THSD7B: variants seen among roughly 807,000 people sequenced by gnomAD.
THSD7B encodes thrombospondin type 1 domain containing 7B, also known as thrombospondin type-1 domain-containing protein 7B.
In THSD7B, 138 loss-of-function variants were observed where a neutral mutation model predicts 213.6. The ratio of observed to expected loss-of-function variants is 0.65; its 90% CI spans 0.56 to 0.74. THSD7B has a LOEUF of 0.74. Among genes scored for constraint, THSD7B ranks in the 30% least tolerant of loss-of-function variants. The pLI, the probability that THSD7B is intolerant of heterozygous loss-of-function variation, is 0.00. For synonymous variants in THSD7B, 742 were observed against 687.0 expected (o/e 1.08, Z -1.25); for missense variants, 1,931 against 1,991.5 (o/e 0.97, Z 0.58).
chr2:137,641,235 G>A (rs1488802425), intron 20 of THSD7B, among the ~76,000 whole-genome samples: 2 of 152,132 alleles, frequency 1.3e-5, no homozygotes, highest in Non-Finnish European at 2.9e-5. Context: ...CAGCTGCACT[G>A]GCTTCTGTCA....
chr2:137,554,177 T>G (rs1680904775), intron 15 of THSD7B, among the ~76,000 whole-genome samples: 2 of 152,206 alleles, frequency 1.3e-5, no homozygotes, highest in African/African-American at 4.8e-5. Context: ...AAAATATCCC[T>G]TACTCATTTC....
intron 5 of THSD7B, among the ~76,000 whole-genome samples, chr2:137,140,221 C>G (rs535350845): frequency 5.3e-4 from 81 of 152,200 alleles, no homozygotes; most frequent in African/African-American, 1.9e-3. Context: ...GCCTTTGTCA[C>G]TTAATTTTTC....
intron 5 of THSD7B, among the ~76,000 whole-genome samples, chr2:137,127,779 G>A (rs1036173831): frequency 3.3e-5 from 5 of 152,002 alleles, no homozygotes; most frequent in South Asian, 4.1e-4. Flanking sequence ...TTAGCCAGGC[G>A]TGGTGGTGCA....
At chr2:137,075,628 A>G (rs1404250445) in intron 3 of THSD7B, among the ~76,000 whole-genome samples, 1 of 152,146 alleles carries the variant, frequency 6.6e-6, no homozygotes, top group Non-Finnish European at 1.5e-5. Context: ...GTTGGTGGTG[A>G]GGAGCTGCGT....
intron 4 of THSD7B, among the ~76,000 whole-genome samples, chr2:137,106,903 G>A (rs563375570): frequency 6.6e-6 from 1 of 152,312 alleles, no homozygotes; most frequent in East Asian, 1.9e-4. Context: ...AGATGCTGGA[G>A]AGGATGTGGA....
chr2:137,320,601 C>T (rs748737593), intron 12 of THSD7B, among the ~76,000 whole-genome samples: 8 of 152,040 alleles, frequency 5.3e-5, no homozygotes, highest in Non-Finnish European at 1.0e-4. Flanking sequence ...TACCCAAAGC[C>T]CAAGGTCATG....
chr2:137,108,812 C>G lies in THSD7B; in HGVS notation c.1200-6312C>G, dbSNP rs73958337. Among the ~76,000 whole-genome samples the G allele has an allele frequency of 2.8e-3, 425 of 152,220 alleles. 4 individuals carry two copies. The highest frequency in any genetic ancestry group is 9.9e-3 in the African/African-American group (411 of 41,528). Reference sequence around the variant, plus strand: ...CATAGAGAAATTGGGCAATGAGTATCAGGCATGGGGGGATAAAAGTTCAGA... The same window carrying G: ...CATAGAGAAATTGGGCAATGAGTATGAGGCATGGGGGGATAAAAGTTCAGA... On this transcript the variant is annotated intron_variant, in intron 4 of 27. Coordinates refer to ENST00000409968, the MANE Select transcript of THSD7B (RefSeq NM_001316349.2).
At chr2:137,240,136 C>G (rs1213011006) in intron 9 of THSD7B, among the ~76,000 whole-genome samples, 1 of 152,144 alleles carries the variant, frequency 6.6e-6, no homozygotes, top group Admixed American at 6.5e-5. Context: ...GACTTTGTCT[C>G]TTATTTCATT....
chr2:136,907,216 G>C (rs1684180544), intron 2 of THSD7B, among the ~76,000 whole-genome samples: 1 of 151,808 alleles, frequency 6.6e-6, no homozygotes, highest in East Asian at 1.9e-4. Flanking sequence ...AAATGCTGGG[G>C]TTACAAGTGT....
At chr2:136,996,014 C>G (rs1256951289) in intron 2 of THSD7B, among the ~76,000 whole-genome samples, 2 of 152,130 alleles carry the variant, frequency 1.3e-5, no homozygotes, top group African/African-American at 2.4e-5. Context: ...ATCATCTTTA[C>G]TTTTTATTTC....
intron 12 of THSD7B, among the ~76,000 whole-genome samples, chr2:137,314,702 T>C (rs182409289): frequency 0.015 from 2,312 of 152,314 alleles, 36 homozygotes; most frequent in East Asian, 0.057. Context: ...ATGTCCTTTC[T>C]GTTTGTTAGT....
intron 1 of THSD7B, among the ~76,000 whole-genome samples, chr2:136,818,603 G>A (rs1184160657): frequency 6.6e-6 from 1 of 152,112 alleles, no homozygotes; most frequent in East Asian, 1.9e-4. Flanking sequence ...GCTGAATTAT[G>A]TTCAGCACTC....
At chr2:137,185,002 A>T (rs1194951023) in intron 7 of THSD7B, among the ~76,000 whole-genome samples, 1 of 152,096 alleles carries the variant, frequency 6.6e-6, no homozygotes, top group African/African-American at 2.4e-5. Flanking sequence ...TTGTTTTGTC[A>T]TTCCCTCATT....
intron 10 of THSD7B, among the ~76,000 whole-genome samples, chr2:137,257,469 G>T (rs542965769): frequency 2.6e-5 from 4 of 152,162 alleles, no homozygotes; most frequent in Non-Finnish European, 5.9e-5. Flanking sequence ...CAAAGATCCA[G>T]GGTATCTCAC....
At chr2:136,878,379 C>T (rs1349927782) in intron 1 of THSD7B, among the ~76,000 whole-genome samples, 5 of 152,120 alleles carry the variant, frequency 3.3e-5, no homozygotes, top group African/African-American at 9.7e-5. Flanking sequence ...AATAAACATA[C>T]GTGTGCGTGT....
chr2:136,941,793 G>C (rs1684833369), intron 2 of THSD7B, among the ~76,000 whole-genome samples: 1 of 152,048 alleles, frequency 6.6e-6, no homozygotes, highest in South Asian at 2.1e-4. Context: ...CCATTCTGTA[G>C]ATTGCCTGTT....
At chr2:137,130,779 TGTTGGACATTTGG>T in intron 5 of THSD7B, among the ~76,000 whole-genome samples, 6 of 131,722 alleles carry the variant, frequency 4.6e-5, no homozygotes, top group Non-Finnish European at 1.0e-4. Context: ...AGTCTATCAT[TGTTGGACATTTGG>T]GTTGGTTCCA....
intron 2 of THSD7B, among the ~76,000 whole-genome samples, chr2:137,009,901 A>G (rs900082901): frequency 6.6e-6 from 1 of 152,224 alleles, no homozygotes; most frequent in African/African-American, 2.4e-5. Context: ...CACAATTGAC[A>G]TTTCATAAAC....
chr2:137,505,273 A>T (rs1679808084), intron 15 of THSD7B, among the ~76,000 whole-genome samples: 1 of 152,220 alleles, frequency 6.6e-6, no homozygotes. Context: ...TTTAATATGC[A>T]TAGAAATCAC....
Sources: allele counts gnomAD v4.1 joint callset (sites outside exome capture counted in the v4.1 genomes callset), GRCh38; gene constraint gnomAD v4.1.1; transcripts MANE v1.5; gene names NCBI Gene and HGNC (gene_info 2026-07-23, HGNC 2026-07-21).